The following ADCK1 variants were observed in gnomAD, a reference collection of about 807,000 sequenced individuals.
ADCK1 encodes aarF domain containing kinase 1.
A neutral mutation model predicts 52.3 loss-of-function variants in ADCK1; 41 were observed. The observed-to-expected ratio is 0.78, with a 90% CI of 0.61 to 1.02. The LOEUF (loss-of-function observed/expected upper bound fraction) is 1.02. Among genes scored for constraint, ADCK1 ranks in the 50% least tolerant of loss-of-function variants. ADCK1 has a pLI of 0.00. For synonymous variants in ADCK1, 250 were observed against 274.6 expected (o/e 0.91, Z 0.89); for missense variants, 658 against 679.5 (o/e 0.97, Z 0.35).
chr14:77,900,903 A>G (rs576379667), intron 6 of ADCK1, among the ~76,000 whole-genome samples: 3 of 152,324 alleles, frequency 2.0e-5, no homozygotes, highest in South Asian at 2.1e-4. Context: ...GGGAAACAAT[A>G]TCAGATAATA....
chr14:77,844,469 G>T (rs941470461), intron 3 of ADCK1, among the ~76,000 whole-genome samples: 1 of 152,132 alleles, frequency 6.6e-6, no homozygotes, highest in East Asian at 1.9e-4. Flanking sequence ...CAAAGGAACC[G>T]GTGTCCCTTC....
intron 5 of ADCK1, among the ~76,000 whole-genome samples, chr14:77,887,507 G>A (rs2083185434): frequency 3.3e-5 from 5 of 152,206 alleles, no homozygotes; most frequent in East Asian, 1.9e-4. Context: ...AACACACTAA[G>A]TGGCTGCTAG....
chr14:77,816,792 G>A (rs901205958), intron 1 of ADCK1, among the ~76,000 whole-genome samples: 2 of 151,004 alleles, frequency 1.3e-5, no homozygotes, highest in Non-Finnish European at 2.9e-5. Flanking sequence ...ACTTGTGACT[G>A]ATGTTGTGGG....
chr14:77,915,378 C>T (rs941138549), intron 7 of ADCK1, among the ~76,000 whole-genome samples: 43 of 130,880 alleles, frequency 3.3e-4, no homozygotes, highest in African/African-American at 1.2e-3. Context: ...GTGTGATGTT[C>T]CCCTTCCTGT....
intron 3 of ADCK1, among the ~76,000 whole-genome samples, chr14:77,857,863 G>T (rs1261080165): frequency 1.3e-5 from 2 of 152,168 alleles, no homozygotes; most frequent in Non-Finnish European, 2.9e-5. Context: ...CAGGTACCAG[G>T]TCCCCACAGG....
At chr14:77,806,125 C>T (rs1041335233) in intron 1 of ADCK1, among the ~76,000 whole-genome samples, 1 of 150,658 alleles carries the variant, frequency 6.6e-6, no homozygotes, top group Admixed American at 6.6e-5. Flanking sequence ...TGAGGTCTCT[C>T]TATGTTGCCC....
chr14:77,813,541 C>T (rs1367074448), intron 1 of ADCK1, among the ~76,000 whole-genome samples: 3 of 152,090 alleles, frequency 2.0e-5, no homozygotes, highest in African/African-American at 7.2e-5. Flanking sequence ...AAACTCCTGA[C>T]CTTGTGATCT....
At position 77,871,585 on chromosome 14, in the gene ADCK1, T is replaced by C. The variant is rs564911877; in HGVS notation, c.423+12306T>C. ...GTTGGCCAGGCTGGTCTCAACCTCC[T>C]GGCCTCAGGTGATCTGCCCATCTTG... On this transcript the variant is annotated intron_variant, in intron 4 of 10. Transcript: ENST00000238561. Among the ~76,000 whole-genome samples the C allele has an allele frequency of 3.3e-5, 5 of 152,304 alleles. No homozygotes were observed. The South Asian group carries it at 1.0e-3, about 32-fold the overall frequency.
At chr14:77,922,728 G>C (rs962976039) in intron 7 of ADCK1, among the ~76,000 whole-genome samples, 1 of 152,204 alleles carries the variant, frequency 6.6e-6, no homozygotes, top group Non-Finnish European at 1.5e-5. Context: ...CTAGCCATGA[G>C]TTAGTTAAAC....
At chr14:77,926,159 G>A (rs539655647) in intron 9 of ADCK1, among the ~76,000 whole-genome samples, 198 bp downstream of exon 9, 1 of 152,144 alleles carries the variant, frequency 6.6e-6, no homozygotes, top group Non-Finnish European at 1.5e-5. Context: ...GAGGGAAAGG[G>A]GGTGATACCT....
Position 77,923,002 on chromosome 14 carries a change from A to G in ADCK1, c.859-1455A>G, listed in dbSNP as rs2084098946. 6.6e-6 allele frequency among the ~76,000 whole-genome samples: 1 copy of G among 152,224 alleles called. No individual in the cohort carries two copies. The highest frequency in any genetic ancestry group is 1.5e-5 in the Non-Finnish European group (1 of 68,034). On this transcript the variant is annotated intron_variant, in intron 7 of 10. Transcript: ENST00000238561. This position sits in a 1 kb window ranked among gnomAD's most constrained non-coding sequence, Gnocchi z 4.3. ...TCGTAGTCACGTGTTTGCCACTGTT[A>G]CAAGCAAGTGGATACATAATAGAGC...
chr14:77,823,352 G>C (rs1244206603), intron 3 of ADCK1, among the ~76,000 whole-genome samples: 2 of 152,102 alleles, frequency 1.3e-5, no homozygotes, highest in Non-Finnish European at 2.9e-5. Context: ...TCTGGACTCG[G>C]CTCAAGCTCT....
At chr14:77,905,661 A>G (rs2083649163) in intron 6 of ADCK1, among the ~76,000 whole-genome samples, 2 of 151,454 alleles carry the variant, frequency 1.3e-5, no homozygotes, top group African/African-American at 2.4e-5. Flanking sequence ...ATGAACAAAA[A>G]CAACAGGCAG....
intron 3 of ADCK1, among the ~76,000 whole-genome samples, chr14:77,848,522 G>A (rs772978449): frequency 3.9e-5 from 6 of 152,214 alleles, no homozygotes. Context: ...CTGGAGTACA[G>A]TGGTGCGATC....
At position 77,822,359 on chromosome 14, in the gene ADCK1, G is replaced by C. The variant is rs934048063; in HGVS notation, c.136-76G>C. 7 of 1,187,556 alleles carry C rather than the reference G, an allele frequency of 5.9e-6. No homozygotes were observed. In the African/African-American group the frequency reaches 1.1e-4, roughly 18 times the overall value. The allele number at this position is 1,187,556 out of a possible 1,614,324, so 73.6% of individuals were successfully genotyped here. On this transcript the variant is annotated intron_variant, in intron 2 of 10. Coordinates refer to ENST00000238561, the MANE Select transcript of ADCK1 (RefSeq NM_020421.4). The stretch of plus-strand genomic sequence containing the variant: ...GACATAGCAGCTGTGTCAGGGACCT[G>C]TACTGCAAGGTTTGGGCAGAGTAGT...
intron 9 of ADCK1, 26 bp from the exon 10 acceptor site, chr14:77,931,491 GT>G (rs774227675): frequency 1.2e-6 from 2 of 1,604,310 alleles, no homozygotes; most frequent in African/African-American, 1.3e-5. Context: ...CCAACCATCT[GT>G]TTCTGTTGCC....
At chr14:77,841,239 A>T (rs1202548164) in intron 3 of ADCK1, among the ~76,000 whole-genome samples, 1 of 152,162 alleles carries the variant, frequency 6.6e-6, no homozygotes, top group Non-Finnish European at 1.5e-5. Context: ...GGCCCGAGTG[A>T]TAGACTAGAG....
chr14:77,830,046 C>A (rs1048499405), intron 3 of ADCK1, among the ~76,000 whole-genome samples: 1 of 151,250 alleles, frequency 6.6e-6, no homozygotes, highest in Admixed American at 6.6e-5. Context: ...AGGTTTTAAG[C>A]CATAGACAAT....
chr14:77,906,787 C>T (rs974004195), intron 6 of ADCK1, among the ~76,000 whole-genome samples: 2 of 152,102 alleles, frequency 1.3e-5, no homozygotes, highest in African/African-American at 4.8e-5. Flanking sequence ...ATGCAAATAC[C>T]CCCTTTTTTT....
Sources: gnomAD v4.1 joint callset for allele counts (sites outside exome capture counted in the v4.1 genomes callset) on GRCh38, gnomAD v4.1.1 for gene constraint, Gnocchi (gnomAD v3.1) non-coding constraint, MANE v1.5 for transcripts, NCBI Gene and HGNC (gene_info 2026-07-23, HGNC 2026-07-21) for gene names.